Variants in TRHDE observed in about 807,000 individuals in gnomAD.
TRHDE encodes thyrotropin-releasing hormone-degrading ectoenzyme.
Under a neutral mutation model 125.7 loss-of-function variants are expected in TRHDE, and 72 were observed. That is an observed-to-expected ratio of 0.57 (90% CI 0.47 to 0.70). TRHDE has a LOEUF of 0.70. Among genes scored for constraint, TRHDE ranks in the 30% least tolerant of loss-of-function variants. The pLI, the probability that TRHDE is intolerant of heterozygous loss-of-function variation, is 0.00. For synonymous variants in TRHDE, 509 were observed against 509.1 expected (o/e 1.00, Z 0.00); for missense variants, 1,110 against 1,327.1 (o/e 0.84, Z 2.54).
intron 2 of TRHDE, among the ~76,000 whole-genome samples, chr12:72,334,386 C>T (rs73338665): frequency 0.044 from 6,701 of 152,226 alleles, 505 homozygotes; most frequent in African/African-American, 0.15. Context: ...GTTGTGAGTG[C>T]GCATTCCTTA....
intron 3 of TRHDE, among the ~76,000 whole-genome samples, chr12:72,393,120 G>A (rs1046309930): frequency 1.3e-5 from 2 of 152,004 alleles, no homozygotes; most frequent in African/African-American, 4.8e-5. Flanking sequence ...GTTGCTTCAT[G>A]TTATTTTACA....
chr12:72,542,236 T>G, intron 6 of TRHDE, 55 bp from the exon 7 acceptor site: 1 of 1,389,178 alleles, frequency 7.2e-7, no homozygotes, highest in African/African-American at 1.4e-5. Flanking sequence ...TAAAACAACT[T>G]TACAATCATG....
Position 72,273,415 on chromosome 12 carries a change from C to G in TRHDE, c.772C>G (p.Gln258Glu), listed in dbSNP as rs573702596. 1.9e-6 allele frequency: 3 copies of G among 1,614,044 alleles called. No individual in the cohort carries two copies. Among genetic ancestry groups the G allele is most frequent in the Admixed American group, 1.7e-5 (1 of 59,996 alleles). The change falls in exon 1 of 19, where the codon CAA becomes GAA. Residue 258 changes from glutamine to glutamate, a missense_variant. Transcript: ENST00000261180. The surrounding 1 kb of genome is among the most constrained non-coding windows in gnomAD (Gnocchi z 5.3). ...VPVAGFFLYP[Q>E]TQVLVVVLNR... ...TGTAGCCGGTTTTTTCCTCTACCCG[C>G]AAACCCAGGTCTTAGTGGTGGTGCT...
At chr12:72,097,440 A>ATTTTTTTTTTTTTTTT (rs869290442) in intron 1 of TRHDE, among the ~76,000 whole-genome samples, 3 of 21,652 alleles carry the variant, frequency 1.4e-4, no homozygotes, top group African/African-American at 2.8e-4. Context: ...TTCTCACTGA[A>ATTTTTTTTTTTTTTTT]TTTTTTTTTT....
intron 4 of TRHDE, among the ~76,000 whole-genome samples, chr12:72,471,579 G>A (rs376002465): frequency 5.9e-5 from 9 of 152,104 alleles, no homozygotes; most frequent in African/African-American, 1.9e-4. Flanking sequence ...AATAATTTCC[G>A]TTGTCATTAA....
chr12:72,349,536 C>T (rs1870484734), intron 2 of TRHDE, among the ~76,000 whole-genome samples: 1 of 150,134 alleles, frequency 6.7e-6, no homozygotes, highest in East Asian at 1.9e-4. Context: ...GCTTTTAGGT[C>T]CCTTTGCCTT....
At position 72,362,395 on chromosome 12, in the gene TRHDE, C is replaced by T. The variant is rs1785624653; in HGVS notation, c.1189-15600C>T. 2.7e-5 allele frequency among the ~76,000 whole-genome samples: 4 copies of T among 150,352 alleles called. No homozygotes were observed. The South Asian group carries it at 8.4e-4, about 32-fold the overall frequency. On this transcript the variant is annotated intron_variant, in intron 2 of 18. Transcript: ENST00000261180. ...AGTGTCTGTTCATGTCCTTTGCCCACTTTTTGATGGGGTTGTTTGTTTTTT... is the reference window on the plus strand; with the variant it reads ...AGTGTCTGTTCATGTCCTTTGCCCATTTTTTGATGGGGTTGTTTGTTTTTT...
At chr12:72,431,231 A>C (rs1325327002) in intron 3 of TRHDE, among the ~76,000 whole-genome samples, 1 of 152,192 alleles carries the variant, frequency 6.6e-6, no homozygotes, top group Admixed American at 6.6e-5. Flanking sequence ...ACAACATTAA[A>C]AACATGAACT....
chr12:72,174,352 A>T (rs1876942042), intron 2 of TRHDE, among the ~76,000 whole-genome samples: 1 of 152,242 alleles, frequency 6.6e-6, no homozygotes, highest in Admixed American at 6.5e-5. Context: ...TTAAGTTTTA[A>T]GGTGGTTTAT....
At chr12:72,525,053 A>G (rs1361392026) in intron 6 of TRHDE, among the ~76,000 whole-genome samples, 4 of 152,156 alleles carry the variant, frequency 2.6e-5, no homozygotes, top group Non-Finnish European at 4.4e-5. Context: ...CCTGTTCTCA[A>G]TGATGCATTT....
intron 3 of TRHDE, among the ~76,000 whole-genome samples, chr12:72,383,666 C>A (rs1872286264): frequency 6.6e-6 from 1 of 151,630 alleles, no homozygotes; most frequent in South Asian, 2.1e-4. Context: ...CATGAGCCAC[C>A]ATGCCCGGCC....
chr12:72,470,573 T>A (rs1876592874), intron 4 of TRHDE, among the ~76,000 whole-genome samples: 1 of 152,104 alleles, frequency 6.6e-6, no homozygotes, highest in South Asian at 2.1e-4. Flanking sequence ...TTAATTTTAG[T>A]GGAAAAAAAT....
chr12:72,452,608 G>C (rs1253810452), intron 3 of TRHDE, among the ~76,000 whole-genome samples: 1 of 152,066 alleles, frequency 6.6e-6, no homozygotes, highest in African/African-American at 2.4e-5. Context: ...TTGGATGTGA[G>C]TTCCTGCCCA....
chr12:72,238,381 ATTTTTTT>A (rs71457042), intron 2 of TRHDE, among the ~76,000 whole-genome samples: 1 of 82,532 alleles, frequency 1.2e-5, no homozygotes, highest in African/African-American at 4.3e-5. Flanking sequence ...ATATATATAT[ATTTTTTT>A]TTAACTTTTT....
intron 1 of TRHDE, among the ~76,000 whole-genome samples, chr12:72,089,490 T>G (rs2139281253): frequency 6.6e-6 from 1 of 152,348 alleles, no homozygotes; most frequent in South Asian, 2.1e-4. Context: ...CTGTGCAGAC[T>G]TCTTTGGGTT....
intron 2 of TRHDE, among the ~76,000 whole-genome samples, chr12:72,149,006 A>T (rs1876291829): frequency 6.6e-6 from 1 of 152,038 alleles, no homozygotes; most frequent in Admixed American, 6.6e-5. Flanking sequence ...ATTTTTTTTA[A>T]TGCTTCTGTG....
intron 3 of TRHDE, among the ~76,000 whole-genome samples, chr12:72,411,274 A>G (rs937142565): frequency 1.3e-5 from 2 of 151,894 alleles, no homozygotes; most frequent in Non-Finnish European, 2.9e-5. Flanking sequence ...TAGAACATCA[A>G]AGAGATTCAA....
At chr12:72,609,198 T>G (rs1335332821) in intron 12 of TRHDE, among the ~76,000 whole-genome samples, 1 of 152,200 alleles carries the variant, frequency 6.6e-6, no homozygotes, top group African/African-American at 2.4e-5. Context: ...ATGTTTAGCT[T>G]AATAATTCTA....
intron 1 of TRHDE, among the ~76,000 whole-genome samples, chr12:72,097,351 G>A (rs1342717517): frequency 6.6e-6 from 1 of 150,624 alleles, no homozygotes; most frequent in Non-Finnish European, 1.5e-5. Flanking sequence ...AGAAACAGAT[G>A]ATGTTTCCTG....
Sources: allele counts gnomAD v4.1 joint callset (sites outside exome capture counted in the v4.1 genomes callset), GRCh38; gene constraint gnomAD v4.1.1; non-coding constraint Gnocchi (gnomAD v3.1); transcripts MANE v1.5; gene names NCBI Gene and HGNC (gene_info 2026-07-23, HGNC 2026-07-21).